Variants in DMD observed in about 807,000 individuals in gnomAD.
The protein encoded by DMD is mutant dystrophin.
A neutral mutation model predicts 330.1 loss-of-function variants in DMD; 63 were observed. That is an observed-to-expected ratio of 0.19 (90% CI 0.16 to 0.24). The LOEUF is 0.24. Among genes scored for constraint, DMD ranks in the 10% least tolerant of loss-of-function variants. The pLI is 1.00. For missense variants in DMD, 3,344 were observed against 2,684.1 expected, an observed-to-expected ratio of 1.25 and a Z score of -5.43; for synonymous variants, 1,223 against 959.8, an observed-to-expected ratio of 1.27 and a Z score of -5.07.
chrX:32,432,112 T>C (rs977310935), intron 29 of DMD, among the ~76,000 whole-genome samples: 6 of 111,863 alleles, frequency 5.4e-5, no homozygotes, highest in Admixed American at 2.9e-4. Context: ...CATTTTCAGG[T>C]GACATTATTA....
At chrX:31,674,167 C>T (rs1350715342) in intron 53 of DMD, among the ~76,000 whole-genome samples, 1 of 111,705 alleles carries the variant, frequency 9.0e-6, no homozygotes, top group Non-Finnish European at 1.9e-5. Context: ...ATTCAGTTTC[C>T]ACTACCGTAC....
chrX:33,009,174 GTATATATA>G (rs751966658), intron 2 of DMD, among the ~76,000 whole-genome samples: 3 of 22,762 alleles, frequency 1.3e-4, no homozygotes, highest in African/African-American at 5.2e-4. Context: ...ATATATATGT[GTATATATA>G]CGTATATATG....
intron 44 of DMD, among the ~76,000 whole-genome samples, chrX:32,171,995 A>T (rs942557749): frequency 2.7e-5 from 3 of 112,125 alleles, no homozygotes; most frequent in African/African-American, 9.7e-5. Context: ...ACAACTTAAT[A>T]AATCTAATAT....
chrX:31,146,542 ATTGT>A (rs977307581), intron 75 of DMD, 128 bp from the exon 76 acceptor site: 3 of 662,064 alleles, frequency 4.5e-6, no homozygotes, highest in Admixed American at 5.5e-5. Context: ...CCTCCCAAAG[ATTGT>A]TTAATTTGGG....
At chrX:33,239,130 G>A (rs944957983) in intron 1 of DMD, among the ~76,000 whole-genome samples, 9 of 107,517 alleles carry the variant, frequency 8.4e-5, no homozygotes, top group South Asian at 4.3e-4. Flanking sequence ...GGTGGTGGGC[G>A]CCTGTAATCC....
chrX:31,833,721 G>GA (rs1189334769), intron 49 of DMD, among the ~76,000 whole-genome samples: 1 of 111,027 alleles, frequency 9.0e-6, no homozygotes, highest in Non-Finnish European at 1.9e-5. Flanking sequence ...CTTGGGAGGT[G>GA]AGCGTAGGAG....
At chrX:31,975,525 T>A (rs188350787) in intron 44 of DMD, among the ~76,000 whole-genome samples, 1 of 111,769 alleles carries the variant, frequency 8.9e-6, no homozygotes, top group East Asian at 2.8e-4. Context: ...TAAAAAGGCA[T>A]CTTGTCCACA....
intron 44 of DMD, among the ~76,000 whole-genome samples, chrX:32,061,561 C>T (rs747070480): frequency 8.1e-5 from 9 of 111,186 alleles, no homozygotes; most frequent in Non-Finnish European, 7.6e-5. Context: ...TTTCAGTAGA[C>T]GTAAATAATT....
At chrX:32,130,913 G>T (rs945288991) in intron 44 of DMD, among the ~76,000 whole-genome samples, 1 of 111,974 alleles carries the variant, frequency 8.9e-6, no homozygotes, top group South Asian at 3.7e-4. Context: ...TGCCAGGTGC[G>T]CTGGCTCATG....
intron 44 of DMD, among the ~76,000 whole-genome samples, chrX:32,192,422 A>C (rs1225484581): frequency 8.9e-6 from 1 of 111,914 alleles, no homozygotes; most frequent in Non-Finnish European, 1.9e-5. Flanking sequence ...ATAGCCAATG[A>C]ACAGAGAGAG....
intron 1 of DMD, among the ~76,000 whole-genome samples, chrX:33,108,866 C>T (rs868040652): frequency 6.0e-4 from 3 of 4,965 alleles, no homozygotes; most frequent in African/African-American, 1.6e-3. Context: ...AACTCCGTTT[C>T]GGAAAAAAAA....
intron 49 of DMD, among the ~76,000 whole-genome samples, chrX:31,822,278 C>T (rs755464611): frequency 8.9e-6 from 1 of 111,860 alleles, no homozygotes; most frequent in Non-Finnish European, 1.9e-5. Context: ...AGGGGCCATT[C>T]AAGCGCCAGG....
chrX:32,931,755 GCTAA>G (rs749754863), intron 2 of DMD, among the ~76,000 whole-genome samples: 90 of 111,674 alleles, frequency 8.1e-4, no homozygotes, highest in Non-Finnish European at 1.6e-3. Context: ...CCAAATGCCA[GCTAA>G]CTGAGTGTAA....
chrX:32,311,035 T>G (rs2097560360), intron 41 of DMD, among the ~76,000 whole-genome samples: 1 of 110,642 alleles, frequency 9.0e-6, no homozygotes, highest in Non-Finnish European at 1.9e-5. Flanking sequence ...TTTTGGAGTT[T>G]CCCAGTAATA....
chrX:32,506,095 A>T (rs1326319055), intron 18 of DMD, among the ~76,000 whole-genome samples: 3 of 112,174 alleles, frequency 2.7e-5, no homozygotes, highest in African/African-American at 9.7e-5. Context: ...CTCTAAAGAT[A>T]AATACATGTC....
intron 7 of DMD, among the ~76,000 whole-genome samples, chrX:32,769,602 C>G (rs373790336): frequency 6.3e-5 from 7 of 111,339 alleles, no homozygotes; most frequent in East Asian, 5.6e-4. Flanking sequence ...TTCAGTGACA[C>G]GAGATCACAC....
intron 9 of DMD, among the ~76,000 whole-genome samples, chrX:32,686,868 A>C (rs2062922344): frequency 9.0e-6 from 1 of 110,950 alleles, no homozygotes; most frequent in African/African-American, 3.3e-5. Flanking sequence ...AATAATTATA[A>C]TCCTTAAGAA....
At chrX:32,135,751 A>T (rs1214451884) in intron 44 of DMD, among the ~76,000 whole-genome samples, 1 of 112,548 alleles carries the variant, frequency 8.9e-6, no homozygotes, top group East Asian at 2.8e-4. Flanking sequence ...AACAAATTTA[A>T]GTTGTTGAAT....
chrX:33,000,991 A>T (rs752523564), intron 2 of DMD, among the ~76,000 whole-genome samples: 1 of 111,015 alleles, frequency 9.0e-6, no homozygotes. Context: ...TGCGCTAGGC[A>T]CTCTAATTAT....
Sources: gnomAD v4.1 joint callset for allele counts (sites outside exome capture counted in the v4.1 genomes callset) on GRCh38, gnomAD v4.1.1 for gene constraint, MANE v1.5 for transcripts, NCBI Gene and HGNC (gene_info 2026-07-23, HGNC 2026-07-21) for gene names.